The following LSM11 variants were observed in gnomAD, a reference collection of about 807,000 sequenced individuals.
The protein encoded by LSM11 is LSM11, U7 small nuclear RNA associated, also known as U7 snRNA-associated Sm-like protein LSm11.
Under a neutral mutation model 28.1 loss-of-function variants are expected in LSM11, and 14 were observed. The observed-to-expected ratio is 0.50, with a 90% CI of 0.33 to 0.78. The LOEUF (loss-of-function observed/expected upper bound fraction) is 0.78, where lower values mean the gene tolerates loss of function less well. LSM11 is among the 30% of genes least tolerant of loss of function. LSM11 has a pLI of 0.02. For missense variants in LSM11, 495 were observed against 510.6 expected (o/e 0.97, Z 0.30); for synonymous variants, 207 against 214.2 (o/e 0.97, Z 0.30).
rs1561622066 is a variant in LSM11, at chr5:157,755,949, C to G, written c.*685C>G. ...TTCCCCTTACCAGAGGTAGCCTCTG[C>G]AAATGGCATACCAGATGGGACTCTA... On this transcript the variant is annotated 3_prime_UTR_variant, in exon 4 of 4. Coordinates refer to ENST00000286307, the MANE Select transcript of LSM11 (RefSeq NM_173491.4). 2 of 364,350 alleles carry G rather than the reference C, an allele frequency of 5.5e-6. No individual in the cohort carries two copies. Among genetic ancestry groups the G allele is most frequent in the East Asian group, 7.9e-5 (2 of 25,300 alleles). 22.6% of individuals were successfully genotyped at this position (364,350 alleles called of 1,614,324 possible). A position where few individuals can be genotyped will look rare whatever the true frequency, so the allele number is the denominator to read the frequency against.
At chr5:157,750,419 A>T (rs140527769) in intron 1 of LSM11, among the ~76,000 whole-genome samples, 1 of 152,212 alleles carries the variant, frequency 6.6e-6, no homozygotes, top group Non-Finnish European at 1.5e-5. Context: ...TATTCTTCCT[A>T]TGAGTCATTA....
rs752239774 is a variant in LSM11, at chr5:157,755,106, G to A, written c.925G>A (p.Val309Met). The change falls in exon 4 of 4, where the codon GTG (valine) becomes ATG (methionine). Residue 309 changes from valine (V) to methionine (M), a missense_variant. Val to Met is a conservative substitution (Grantham distance 21). Coordinates refer to ENST00000286307, the MANE Select transcript of LSM11 (RefSeq NM_173491.4). ...GRTTRTDGSS[V>M]GGTFSRATTL... ...GACTACACGGACAGACGGCTCCAGTGTGGGAGGTACCTTTTCCAGGGCTAC... is the reference window on the plus strand; with the variant it reads ...GACTACACGGACAGACGGCTCCAGTATGGGAGGTACCTTTTCCAGGGCTAC... The A allele has an allele frequency of 6.2e-7, 1 of 1,614,220 alleles. No homozygotes were observed. The highest frequency in any genetic ancestry group is 1.1e-5 in the South Asian group (1 of 91,082).
chr5:157,746,148 G>A (rs1287161082), intron 1 of LSM11, among the ~76,000 whole-genome samples: 1 of 152,138 alleles, frequency 6.6e-6, no homozygotes, highest in African/African-American at 2.4e-5. Context: ...AAAAATATAT[G>A]CCTACTCTAA....
chr5:157,748,975 A>C (rs1351488646), intron 1 of LSM11, among the ~76,000 whole-genome samples: 1 of 152,044 alleles, frequency 6.6e-6, no homozygotes, highest in Non-Finnish European at 1.5e-5. Flanking sequence ...GAGAATGTGC[A>C]CTCTGATTCA....
At chr5:157,752,785 G>A (rs1761258288) in intron 2 of LSM11, among the ~76,000 whole-genome samples, 2 of 149,844 alleles carry the variant, frequency 1.3e-5, no homozygotes, top group South Asian at 4.2e-4. Flanking sequence ...GGCGGAGGTT[G>A]CAGTGAGCCG....
chr5:157,753,635 C>T (rs1002645198), intron 2 of LSM11, among the ~76,000 whole-genome samples: 2 of 152,182 alleles, frequency 1.3e-5, no homozygotes, highest in Non-Finnish European at 2.9e-5. Flanking sequence ...CTGGTTGAAA[C>T]AAAAGGTTCC....
chr5:157,752,222 C>T (rs1164942644), intron 2 of LSM11, among the ~76,000 whole-genome samples: 2 of 149,052 alleles, frequency 1.3e-5, no homozygotes, highest in African/African-American at 5.0e-5. Context: ...AGTGCAGTGG[C>T]ACAATCTCAG....
Position 157,759,609 on chromosome 5 carries a change from G to A in LSM11, c.*4345G>A, listed in dbSNP as rs923248949. ...TCAAGGTTCATGTAAGAGTATCGTG[G>A]TGTAAATATAATGGTTTCACAGCTG... On this transcript the variant is annotated 3_prime_UTR_variant, in exon 4 of 4. Transcript: ENST00000286307. 6.6e-6 allele frequency: 1 copy of A among 152,146 alleles called. No homozygotes were observed. Among genetic ancestry groups the A allele is most frequent in the African/African-American group, 2.4e-5 (1 of 41,434 alleles). The allele number at this position is 152,146 out of a possible 1,614,324, so 9.4% of individuals were successfully genotyped here. A position where few individuals can be genotyped will look rare whatever the true frequency, so the allele number is the denominator to read the frequency against.
chr5:157,758,242 G>A lies in LSM11; in HGVS notation c.*2978G>A, dbSNP rs1024291130. 6.0e-4 allele frequency: 91 copies of A among 152,336 alleles called. No individual in the cohort carries two copies. Among genetic ancestry groups the A allele is most frequent in the African/African-American group, 2.1e-3 (88 of 41,540 alleles). 9.4% of individuals were successfully genotyped at this position (152,336 alleles called of 1,614,324 possible). A position where few individuals can be genotyped will look rare whatever the true frequency, so the allele number is the denominator to read the frequency against. On this transcript the variant is annotated 3_prime_UTR_variant, in exon 4 of 4. Transcript: ENST00000286307. Reference sequence around the variant, plus strand: ...CGATTCTCCTGCCTTAGCCTCCTGAGTAGCTGGGTCAGCCACCATGGCTGA... The same window carrying A: ...CGATTCTCCTGCCTTAGCCTCCTGAATAGCTGGGTCAGCCACCATGGCTGA...
chr5:157,743,983 G>A lies in LSM11; in HGVS notation c.233G>A (p.Arg78Gln). 7.9e-7 allele frequency: 1 copy of A among 1,262,150 alleles called. No individual in the cohort carries two copies. Among genetic ancestry groups the A allele is most frequent in the South Asian group, 3.0e-5 (1 of 33,648 alleles). 78.2% of individuals were successfully genotyped at this position (1,262,150 alleles called of 1,614,324 possible). ...GGCGGGCGCGGGCGCGGGCGGGCTC[G>A]GGGCGCGGCCGCGGGCTCTGGGGTT... ...RGGGRGRGRA[R>Q]GAAAGSGVPA... The change falls in exon 1 of 4, where the codon CGG becomes CAG. Residue 78 changes from arginine to glutamine, a missense_variant. By Grantham distance (43) the Arg-to-Gln change is conservative. Transcript: ENST00000286307.
Position 157,743,818 on chromosome 5 carries a change from G to C in LSM11, c.68G>C (p.Arg23Pro), listed in dbSNP as rs1176103655. Residue 23 changes from arginine to proline, a missense_variant, in exon 1 of 4, where the codon CGG becomes CCG. Coordinates refer to ENST00000286307, the MANE Select transcript of LSM11 (RefSeq NM_173491.4). ...AGSPARPPSP[R>P]LDVSSDSFDP... ...AGCCCCGCGCGCCCGCCCAGCCCGC[G>C]GCTGGATGTCAGCTCTGACAGCTTC... The C allele has an allele frequency of 1.3e-6, 2 of 1,520,522 alleles. No individual in the cohort carries two copies. The highest frequency in any genetic ancestry group is 2.7e-5 in the East Asian group (1 of 37,412). The allele number at this position is 1,520,522 out of a possible 1,614,324, so 94.2% of individuals were successfully genotyped here.
chr5:157,743,781 G>A lies in LSM11; in HGVS notation c.31G>A (p.Ala11Thr). Residue 11 changes from alanine (A) to threonine (T), a missense_variant, in exon 1 of 4, where the codon GCT (alanine) becomes ACT (threonine). By Grantham distance (58) the Ala-to-Thr change is moderately conservative. Transcript: ENST00000286307. ...GGAGCGGGAGCGGGGGGCGAGGTCG[G>A]CTGGCGCCGGGAGCCCCGCGCGCCC... Reference protein sequence around the residue: MEERERGARSAGAGSPARPPS... With the variant: MEERERGARSTGAGSPARPPS... 1.4e-6 allele frequency: 2 copies of A among 1,425,066 alleles called. No homozygotes were observed. Among genetic ancestry groups the A allele is most frequent in the Admixed American group, 3.0e-5 (1 of 32,944 alleles). The allele number at this position is 1,425,066 out of a possible 1,614,324, so 88.3% of individuals were successfully genotyped here.
chr5:157,743,803 G>A lies in LSM11; in HGVS notation c.53G>A (p.Arg18His). ...ARSAGAGSPA[R>H]PPSPRLDVSS... ...TCGGCTGGCGCCGGGAGCCCCGCGC[G>A]CCCGCCCAGCCCGCGGCTGGATGTC... is the stretch of plus-strand genomic sequence containing the variant. The change falls in exon 1 of 4, where the codon CGC (arginine) becomes CAC (histidine). Residue 18 changes from arginine (R) to histidine (H), a missense_variant. By Grantham distance (29) the Arg-to-His change is conservative (BLOSUM62 0). Coordinates refer to ENST00000286307, the MANE Select transcript of LSM11 (RefSeq NM_173491.4). 6.8e-7 allele frequency: 1 copy of A among 1,476,568 alleles called. No individual in the cohort carries two copies. The highest frequency in any genetic ancestry group is 8.9e-7 in the Non-Finnish European group (1 of 1,118,334). 91.5% of individuals were successfully genotyped at this position (1,476,568 alleles called of 1,614,324 possible).
At chr5:157,752,220 G>A (rs1194129798) in intron 2 of LSM11, among the ~76,000 whole-genome samples, 3 of 150,234 alleles carry the variant, frequency 2.0e-5, no homozygotes, top group Admixed American at 2.0e-4. Flanking sequence ...GGAGTGCAGT[G>A]GCACAATCTC....
At position 157,755,376 on chromosome 5, in the gene LSM11, A is replaced by G. The variant is rs2113078964; in HGVS notation, c.*112A>G. On this transcript the variant is annotated 3_prime_UTR_variant, in exon 4 of 4. Transcript: ENST00000286307. ...TTGGAATGATTCCCTCTGGTCCTGC[A>G]TATGCAGAGGACGGAGCAGGCTCAG... is the stretch of plus-strand genomic sequence containing the variant. 1 of 1,217,412 alleles carries G rather than the reference A, an allele frequency of 8.2e-7. No individual in the cohort carries two copies. Among genetic ancestry groups the G allele is most frequent in the Non-Finnish European group, 1.1e-6 (1 of 877,238 alleles). 75.4% of individuals were successfully genotyped at this position (1,217,412 alleles called of 1,614,324 possible).
In LSM11 at chr5:157,744,137, G is replaced by A. The variant is rs1270231456; in HGVS notation, c.387G>A (p.Ala129=). ...AGGAAGGGGACGGGGCCGCAGGAGC[G>A]GGCCGGAGGGGTCCGGGTCGGAGCA... The part of the protein sequence containing the change: ...AKEEGDGAAG[A]GRRGPGRSRK... Residue 129 remains alanine (A), a synonymous_variant, in exon 1 of 4, where the codon GCG becomes GCA. Coordinates refer to ENST00000286307, the MANE Select transcript of LSM11 (RefSeq NM_173491.4). 4 of 1,458,186 alleles carry A rather than the reference G, an allele frequency of 2.7e-6. No individual in the cohort carries two copies. The highest frequency in any genetic ancestry group is 3.6e-6 in the Non-Finnish European group (4 of 1,107,312). The allele number at this position is 1,458,186 out of a possible 1,614,324, so 90.3% of individuals were successfully genotyped here. A position where few individuals can be genotyped will look rare whatever the true frequency, so the allele number is the denominator to read the frequency against.
chr5:157,753,068 T>C (rs1178547787), intron 2 of LSM11, among the ~76,000 whole-genome samples: 1 of 152,212 alleles, frequency 6.6e-6, no homozygotes, highest in Non-Finnish European at 1.5e-5. Flanking sequence ...GTACTATTAC[T>C]GTTCCATTTC....
chr5:157,743,974 G>A lies in LSM11; in HGVS notation c.224G>A (p.Gly75Glu). 7.8e-7 allele frequency: 1 copy of A among 1,276,136 alleles called. No individual in the cohort carries two copies. Among genetic ancestry groups the A allele is most frequent in the Non-Finnish European group, 9.9e-7 (1 of 1,011,420 alleles). 79.1% of individuals were successfully genotyped at this position (1,276,136 alleles called of 1,614,324 possible). A position where few individuals can be genotyped will look rare whatever the true frequency, so the allele number is the denominator to read the frequency against. ...GTCCGGGGCGGCGGGCGCGGGCGCG[G>A]GCGGGCTCGGGGCGCGGCCGCGGGC... ...TGVRGGGRGR[G>E]RARGAAAGSG... Residue 75 changes from glycine to glutamate, a missense_variant, in exon 1 of 4, where the codon GGG (glycine) becomes GAG (glutamate). Physicochemically the swap from Gly to Glu is moderately conservative, Grantham distance 98. Transcript: ENST00000286307.
intron 1 of LSM11, among the ~76,000 whole-genome samples, chr5:157,750,363 C>T (rs1006192179): frequency 7.9e-5 from 12 of 152,252 alleles, no homozygotes; most frequent in Admixed American, 1.3e-4. Flanking sequence ...TTTCCTCCCA[C>T]GCTCTGAGAA....
Sources: allele counts gnomAD v4.1 joint callset (sites outside exome capture counted in the v4.1 genomes callset), GRCh38; gene constraint gnomAD v4.1.1; transcripts MANE v1.5; gene names NCBI Gene and HGNC (gene_info 2026-07-23, HGNC 2026-07-21).